The following PKLR variants were observed in gnomAD, a reference collection of about 807,000 sequenced individuals.
The protein encoded by PKLR is pyruvate kinase L/R.
Under a neutral mutation model 53.6 loss-of-function variants are expected in PKLR, and 38 were observed. The observed-to-expected ratio is 0.71, with a 90% CI of 0.55 to 0.93. PKLR has a LOEUF of 0.93. Ranked by LOEUF, PKLR falls within the 40% of genes least tolerant of loss-of-function variation. The pLI, the probability that PKLR is intolerant of heterozygous loss-of-function variation, is 0.00. For synonymous variants in PKLR, 328 were observed against 316.2 expected, an observed-to-expected ratio of 1.04 and a Z score of -0.39; for missense variants, 702 against 787.3, an observed-to-expected ratio of 0.89 and a Z score of 1.30.
At chr1:155,307,805 C>T in the PKLR span, among the ~76,000 whole-genome samples, 2 of 152,096 alleles carry the variant, frequency 1.3e-5, no homozygotes, top group Non-Finnish European at 2.9e-5. Context: ...GGAGAAACCC[C>T]CTCTCTACTA....
upstream of PKLR, among the ~76,000 whole-genome samples, chr1:155,304,903 G>C (rs529723090): frequency 6.6e-6 from 1 of 152,150 alleles, no homozygotes; most frequent in Non-Finnish European, 1.5e-5. Context: ...GGATCAACAG[G>C]CTGTTTTACA....
intron 10 of PKLR, 54 bp from the exon 11 acceptor site, chr1:155,290,732 T>G: frequency 9.1e-7 from 1 of 1,098,728 alleles, no homozygotes; most frequent in Admixed American, 1.7e-5. Context: ...CTCACACCTG[T>G]AATCCCATCA....
At chr1:155,301,524 A>C (rs777631809), upstream of PKLR, 16 of 1,202,492 alleles carry the variant, frequency 1.3e-5, no homozygotes, top group Non-Finnish European at 1.9e-5. Flanking sequence ...CTGTCCCCAC[A>C]GAATCCCTCC....
At chr1:155,290,850 G>A (rs1025641439) in intron 10 of PKLR, among the ~76,000 whole-genome samples, 172 bp from the exon 11 acceptor site, 3 of 151,822 alleles carry the variant, frequency 2.0e-5, no homozygotes, top group Non-Finnish European at 4.4e-5. Context: ...TTAGCTGGGT[G>A]TGGTGGCGCA....
intron 2 of PKLR, among the ~76,000 whole-genome samples, chr1:155,298,731 T>C (rs1427316293): frequency 6.6e-6 from 1 of 151,842 alleles, no homozygotes; most frequent in Non-Finnish European, 1.5e-5. Flanking sequence ...AATCTCTGTC[T>C]CCCGGGTTCA....
At chr1:155,294,160 C>T in intron 7 of PKLR, 75 bp downstream of exon 7, 1 of 1,487,888 alleles carries the variant, frequency 6.7e-7, no homozygotes, top group South Asian at 1.1e-5. Flanking sequence ...AAAATAAACC[C>T]CTACAGTGTG....
chr1:155,290,491 G>A lies in PKLR; in HGVS notation c.*81C>T, dbSNP rs186058494. On this transcript the variant is annotated 3_prime_UTR_variant, in exon 11 of 11. Transcript: ENST00000342741. ...GAGGACTTAAAGGTGGGGCTTTGGA[G>A]GGGTGTGGGCTGGAGAACGTAGACT... 101 of 822,640 alleles carry A rather than the reference G, an allele frequency of 1.2e-4. No individual in the cohort carries two copies. The highest frequency in any genetic ancestry group is 4.7e-4 in the Middle Eastern group (2 of 4,232). The allele number at this position is 822,640 out of a possible 1,614,324, so 51.0% of individuals were successfully genotyped here.
At chr1:155,302,051 CTTTTTTCTT>C (rs918643192), upstream of PKLR, among the ~76,000 whole-genome samples, 21 of 151,356 alleles carry the variant, frequency 1.4e-4, 1 homozygote, top group South Asian at 1.7e-3. Flanking sequence ...TTTTCTTTTT[CTTTTTTCTT>C]TTTTTTCTTT....
Position 155,294,508 on chromosome 1 carries a change from T to C in PKLR, c.939A>G (p.Lys313=), listed in dbSNP as rs756311123. The C allele has an allele frequency of 6.2e-7, 1 of 1,614,124 alleles. No homozygotes were observed. The highest frequency in any genetic ancestry group is 8.5e-7 in the Non-Finnish European group (1 of 1,180,020). The change falls in exon 6 of 11, where the codon AAA becomes AAG. Residue 313 remains lysine, a synonymous_variant. Transcript: ENST00000342741. The part of the protein sequence containing the change: ...PEGHGIKIIS[K]IENHEGVKRF... ...TCTTCACGCCTTCGTGGTTCTCAATTTTGCTGATGATCTTGATGCCGTGTC... is the reference window on the plus strand; with the variant it reads ...TCTTCACGCCTTCGTGGTTCTCAATCTTGCTGATGATCTTGATGCCGTGTC...
chr1:155,295,968 G>A lies in PKLR; in HGVS notation c.284-212C>T. On this transcript the variant is annotated intron_variant, in intron 2 of 10. Transcript: ENST00000342741. This position sits in a 1 kb window ranked among gnomAD's most constrained non-coding sequence, Gnocchi z 4.3. ...TTGGGGAGGCAGCAGTGTGGAAATC[G>A]GAGGGGAGTGCCCTCCGCCAGGCCT... 6.6e-6 allele frequency among the ~76,000 whole-genome samples: 1 copy of A among 152,164 alleles called. No individual in the cohort carries two copies.
At chr1:155,303,793 G>A (rs957613920), upstream of PKLR, among the ~76,000 whole-genome samples, 1 of 152,070 alleles carries the variant, frequency 6.6e-6, no homozygotes, top group Non-Finnish European at 1.5e-5. Context: ...GCCTGACCTA[G>A]AGGATATATT....
At position 155,295,599 on chromosome 1, in the gene PKLR, G is replaced by C; in HGVS notation, c.376-31C>G. 6.2e-7 allele frequency: 1 copy of C among 1,614,082 alleles called. No individual in the cohort carries two copies. The highest frequency in any genetic ancestry group is 8.5e-7 in the Non-Finnish European group (1 of 1,180,014). ...GGAGGGAGCGGAGCGAGGGTTTCAG[G>C]GGAAGGTGGCCAGGACCTCGAGGCA... On this transcript the variant is annotated intron_variant, in intron 3 of 10. Transcript: ENST00000342741. The surrounding 1 kb of genome is among the most constrained non-coding windows in gnomAD (Gnocchi z 4.3).
At chr1:155,301,199 A>C in intron 1 of PKLR, 97 bp downstream of exon 1, 1 of 1,456,354 alleles carries the variant, frequency 6.9e-7, no homozygotes, top group Non-Finnish European at 9.6e-7. Flanking sequence ...CCACCTAGCC[A>C]GTGGCTGATG....
At chr1:155,299,698 G>T (rs960776541) in intron 2 of PKLR, among the ~76,000 whole-genome samples, 4 of 150,504 alleles carry the variant, frequency 2.7e-5, no homozygotes, top group Admixed American at 2.0e-4. Flanking sequence ...TAGAGACGGG[G>T]TTTCTCCATG....
At chr1:155,298,225 G>T (rs765407566) in intron 2 of PKLR, among the ~76,000 whole-genome samples, 3 of 151,770 alleles carry the variant, frequency 2.0e-5, no homozygotes, top group African/African-American at 7.3e-5. Flanking sequence ...TATTAGAGAC[G>T]GGGTTTCACC....
upstream of PKLR, among the ~76,000 whole-genome samples, chr1:155,303,079 C>T: frequency 6.6e-6 from 1 of 152,202 alleles, no homozygotes; most frequent in East Asian, 1.9e-4. Flanking sequence ...TCCTTGAGAA[C>T]ATACCTGGGT....
intron 1 of PKLR, 146 bp downstream of exon 1, chr1:155,301,150 C>T (rs1016228422): frequency 7.5e-7 from 1 of 1,330,336 alleles, no homozygotes. Context: ...TAATTTAACA[C>T]ACGGGAGGCT....
intron 9 of PKLR, among the ~76,000 whole-genome samples, chr1:155,292,658 C>CA (rs1448893285): frequency 8.5e-5 from 13 of 152,132 alleles, no homozygotes; most frequent in African/African-American, 3.1e-4. Context: ...CAAAACAAAA[C>CA]AAACAAACAA....
chr1:155,308,624 G>C, the PKLR span: 1 of 985,440 alleles, frequency 1.0e-6, no homozygotes, highest in South Asian at 4.7e-5. Context: ...CAGCGGGGAC[G>C]TTCCCAGCCT....
Sources: gnomAD v4.1 joint callset for allele counts (sites outside exome capture counted in the v4.1 genomes callset) on GRCh38, gnomAD v4.1.1 for gene constraint, Gnocchi (gnomAD v3.1) non-coding constraint, MANE v1.5 for transcripts, NCBI Gene and HGNC (gene_info 2026-07-23, HGNC 2026-07-21) for gene names.